The following NHS variants were observed in gnomAD, a reference collection of about 807,000 sequenced individuals.
NHS encodes actin remodeling regulator NHS.
In NHS, 5 loss-of-function variants were observed where a neutral mutation model predicts 72.5. The observed-to-expected ratio is 0.07, with a 90% CI of 0.04 to 0.14. The LOEUF (loss-of-function observed/expected upper bound fraction) is 0.14. NHS is among the 10% of genes least tolerant of loss of function. The probability of loss-of-function intolerance (pLI) is 1.00; values close to 1 mark genes in which losing one functional copy is unlikely to be tolerated. For missense variants in NHS, 1,072 were observed against 1,355.7 expected, an observed-to-expected ratio of 0.79 and a Z score of 3.29; for synonymous variants, 464 against 547.7, an observed-to-expected ratio of 0.85 and a Z score of 2.13.
chrX:17,529,084 T>G (rs2065186674), intron 1 of NHS, among the ~76,000 whole-genome samples: 1 of 110,776 alleles, frequency 9.0e-6, no homozygotes, highest in Non-Finnish European at 1.9e-5. Context: ...CTCCTTTCTT[T>G]CCAAGCACAT....
intron 1 of NHS, among the ~76,000 whole-genome samples, chrX:17,605,090 G>A (rs1204279793): frequency 4.5e-5 from 5 of 112,046 alleles, no homozygotes; most frequent in Non-Finnish European, 9.4e-5. Flanking sequence ...ACATAAAGGG[G>A]CATCTATTCT....
chrX:17,558,073 C>T (rs947193049), intron 1 of NHS, among the ~76,000 whole-genome samples: 9 of 112,396 alleles, frequency 8.0e-5, no homozygotes, highest in Non-Finnish European at 1.1e-4. Context: ...GAGGGATTTA[C>T]ACAACAACAT....
At chrX:17,518,084 C>G (rs113823934) in intron 1 of NHS, among the ~76,000 whole-genome samples, 6,969 of 111,902 alleles carry the variant, frequency 0.062, 570 homozygotes, top group African/African-American at 0.22. Context: ...AGCTACAGCT[C>G]TCTCCTGTCT....
chrX:17,417,091 T>TACACAC (rs753132773), intron 1 of NHS, among the ~76,000 whole-genome samples: 81 of 98,029 alleles, frequency 8.3e-4, no homozygotes, highest in African/African-American at 2.6e-3. Context: ...GAAAACAGAA[T>TACACAC]ACACACACAC....
At chrX:17,655,475 C>G (rs751595308) in intron 1 of NHS, among the ~76,000 whole-genome samples, 1 of 112,501 alleles carries the variant, frequency 8.9e-6, no homozygotes, top group African/African-American at 3.2e-5. Context: ...GGCTCCCGCG[C>G]GCCACCGAGT....
chrX:17,690,152 G>C (rs1188752431), intron 2 of NHS, among the ~76,000 whole-genome samples: 1 of 111,993 alleles, frequency 8.9e-6, no homozygotes, highest in Non-Finnish European at 1.9e-5. Flanking sequence ...GCACTGCAGA[G>C]AGCCATAAAC....
At chrX:17,488,390 G>A (rs2064975720) in intron 1 of NHS, among the ~76,000 whole-genome samples, 1 of 111,280 alleles carries the variant, frequency 9.0e-6, no homozygotes, top group Admixed American at 9.6e-5. Flanking sequence ...TTTGGTGCGG[G>A]AAGGGATGGG....
chrX:17,410,463 T>C lies in NHS; in HGVS notation c.565+34141T>C, dbSNP rs191043935. On this transcript the variant is annotated intron_variant, in intron 1 of 8. Coordinates refer to ENST00000676302, the MANE Select transcript of NHS (RefSeq NM_001291867.2). Reference sequence around the variant, plus strand: ...CCCAGATAAAGGTCGTACAGGCTTTTAGCAACAGCATGGAAAGGAAACCAG... The same window carrying C: ...CCCAGATAAAGGTCGTACAGGCTTTCAGCAACAGCATGGAAAGGAAACCAG... Among the ~76,000 whole-genome samples, 12 of 109,395 alleles carry C rather than the reference T, an allele frequency of 1.1e-4. No individual in the cohort carries two copies. The East Asian group carries it at 3.2e-3, about 29-fold the overall frequency. 95.0% of individuals were successfully genotyped at this position (109,395 alleles called of 115,157 possible). A position where few individuals can be genotyped will look rare whatever the true frequency, so the allele number is the denominator to read the frequency against.
intron 1 of NHS, chrX:17,687,452 G>A (rs2066169475): frequency 1.2e-5 from 4 of 340,922 alleles, no homozygotes; most frequent in Non-Finnish European, 1.6e-5. Flanking sequence ...GTTGATGAGC[G>A]ACTGTGCCAA....
rs780293969 is a variant in NHS, at chrX:17,429,274, G to A, written c.565+52952G>A. Among the ~76,000 whole-genome samples, 162 of 110,443 alleles carry A rather than the reference G, an allele frequency of 1.5e-3. 1 individual carries two copies. Among genetic ancestry groups the A allele is most frequent in the Non-Finnish European group, 2.6e-3 (135 of 52,789 alleles). On this transcript the variant is annotated intron_variant, in intron 1 of 8. Coordinates refer to ENST00000676302, the MANE Select transcript of NHS (RefSeq NM_001291867.2). ...TGTGTGTGTGCACACGTGCGCGCGC[G>A]CTATACAGATCAAACCATTGCAGAC...
chrX:17,538,785 C>T (rs2065246837), intron 1 of NHS, among the ~76,000 whole-genome samples: 1 of 112,152 alleles, frequency 8.9e-6, no homozygotes, highest in Admixed American at 9.4e-5. Flanking sequence ...CAATGTTGCA[C>T]AGACAGATCA....
At chrX:17,440,799 G>A (rs1569255095) in intron 1 of NHS, among the ~76,000 whole-genome samples, 1 of 111,963 alleles carries the variant, frequency 8.9e-6, no homozygotes, top group Non-Finnish European at 1.9e-5. Context: ...ACAAGTTTGA[G>A]GTGAGCTGTG....
intron 1 of NHS, among the ~76,000 whole-genome samples, chrX:17,511,680 T>C (rs950408188): frequency 8.9e-6 from 1 of 111,950 alleles, no homozygotes; most frequent in Non-Finnish European, 1.9e-5. Context: ...CCATCTCTTG[T>C]CTTCTTTTCT....
intron 1 of NHS, among the ~76,000 whole-genome samples, chrX:17,430,777 T>C (rs2064691403): frequency 8.9e-6 from 1 of 112,458 alleles, no homozygotes; most frequent in Non-Finnish European, 1.9e-5. Flanking sequence ...GTTTTCAAGG[T>C]TCATTTATGT....
At chrX:17,540,850 C>A (rs181459941) in intron 1 of NHS, among the ~76,000 whole-genome samples, 2 of 111,631 alleles carry the variant, frequency 1.8e-5, no homozygotes, top group African/African-American at 3.3e-5. Context: ...GAGGCCAAGA[C>A]GGGTGGATCA....
chrX:17,734,068 T>C lies in NHS; in HGVS notation c.*1604T>C, dbSNP rs893366465. 8 of 112,366 alleles carry C rather than the reference T, an allele frequency of 7.1e-5. No individual in the cohort carries two copies. The highest frequency in any genetic ancestry group is 2.6e-4 in the African/African-American group (8 of 30,846). The allele number at this position is 112,366 out of a possible 1,213,427, so 9.3% of individuals were successfully genotyped here. A position where few individuals can be genotyped will look rare whatever the true frequency, so the allele number is the denominator to read the frequency against. On this transcript the variant is annotated 3_prime_UTR_variant, in exon 9 of 9. Transcript: ENST00000676302. The stretch of plus-strand genomic sequence containing the variant: ...GCAGCTATGTACTTAGAATAGGTTT[T>C]GAATGGGAGAGGTAGAACAGAGAGA...
Position 17,692,457 on chromosome X carries a change from C to G in NHS, c.841C>G (p.His281Asp). The change falls in exon 3 of 9, where the codon CAC (histidine) becomes GAC (aspartate). Residue 281 changes from histidine (H) to aspartate (D), a missense_variant. Coordinates refer to ENST00000676302, the MANE Select transcript of NHS (RefSeq NM_001291867.2). Reference protein sequence around the residue: ...SQRRREFKDRHFLTFNSTRSP... With the variant: ...SQRRREFKDRDFLTFNSTRSP... ...GAGGAGGCGTGAGTTTAAGGACCGTCACTTTTTAACGGTAAGTTTGGTGGC... is the reference window on the plus strand; with the variant it reads ...GAGGAGGCGTGAGTTTAAGGACCGTGACTTTTTAACGGTAAGTTTGGTGGC... 8.3e-7 allele frequency: 1 copy of G among 1,210,656 alleles called. No homozygotes were observed. Among genetic ancestry groups the G allele is most frequent in the Non-Finnish European group, 1.1e-6 (1 of 895,197 alleles).
intron 1 of NHS, among the ~76,000 whole-genome samples, chrX:17,618,886 G>C (rs185854974): frequency 8.9e-6 from 1 of 111,981 alleles, no homozygotes; most frequent in African/African-American, 3.2e-5. Flanking sequence ...AATTGTTGTC[G>C]GGTGGTCTAG....
chrX:17,728,903 G>A lies in NHS; in HGVS notation c.4349+128G>A. 4 of 890,223 alleles carry A rather than the reference G, an allele frequency of 4.5e-6. No individual in the cohort carries two copies. The Admixed American group carries it at 7.6e-5, about 17-fold the overall frequency. The allele number at this position is 890,223 out of a possible 1,213,427, so 73.4% of individuals were successfully genotyped here. On this transcript the variant is annotated intron_variant, in intron 8 of 8. Transcript: ENST00000676302. ...TGTAATACATTCAGCAAAAACAAAA[G>A]CAAGCAAAGAATAATTTTTCCAAAT...
Sources: allele counts gnomAD v4.1 joint callset (sites outside exome capture counted in the v4.1 genomes callset), GRCh38; gene constraint gnomAD v4.1.1; transcripts MANE v1.5; gene names NCBI Gene and HGNC (gene_info 2026-07-23, HGNC 2026-07-21).